STX18: variants seen among roughly 807,000 people sequenced by gnomAD.
The protein encoded by STX18 is syntaxin 18, also known as syntaxin-18.
In STX18, 40 loss-of-function variants were observed where a neutral mutation model predicts 50.1. The observed-to-expected ratio is 0.80, with a 90% CI of 0.62 to 1.04. STX18 has a LOEUF of 1.04. Ranked by LOEUF, STX18 falls within the 50% of genes least tolerant of loss-of-function variation. STX18 has a pLI of 0.00. For missense variants in STX18, 410 were observed against 415.8 expected, an observed-to-expected ratio of 0.99 and a Z score of 0.12; for synonymous variants, 158 against 151.8, an observed-to-expected ratio of 1.04 and a Z score of -0.30.
chr4:4,531,715 C>T (rs1475541598), intron 1 of STX18, among the ~76,000 whole-genome samples: 2 of 152,142 alleles, frequency 1.3e-5, no homozygotes, highest in South Asian at 4.1e-4. Context: ...AAGTAGACTG[C>T]CTCTAATTAC....
intron 1 of STX18, among the ~76,000 whole-genome samples, chr4:4,530,792 C>T (rs1199539278): frequency 1.3e-5 from 2 of 151,768 alleles, no homozygotes; most frequent in Non-Finnish European, 2.9e-5. Flanking sequence ...TTTTTTATAG[C>T]GATGAGATTT....
chr4:4,483,934 T>A (rs2108853331), intron 1 of STX18, among the ~76,000 whole-genome samples: 1 of 152,224 alleles, frequency 6.6e-6, no homozygotes, highest in Non-Finnish European at 1.5e-5. Context: ...TGATCTCAGC[T>A]CACTGCAACC....
At chr4:4,520,145 A>AC (rs1730445623) in intron 1 of STX18, among the ~76,000 whole-genome samples, 1 of 152,218 alleles carries the variant, frequency 6.6e-6, no homozygotes, top group Non-Finnish European at 1.5e-5. Context: ...ACAAACCTTA[A>AC]CAGATACATT....
At chr4:4,470,515 G>A (rs1727857734) in intron 2 of STX18, among the ~76,000 whole-genome samples, 1 of 152,142 alleles carries the variant, frequency 6.6e-6, no homozygotes, top group Non-Finnish European at 1.5e-5. Context: ...TTGACCTCAT[G>A]ACATGTACAG....
intron 1 of STX18, among the ~76,000 whole-genome samples, chr4:4,538,314 A>C (rs1731435175): frequency 6.6e-6 from 1 of 152,204 alleles, no homozygotes; most frequent in Non-Finnish European, 1.5e-5. Context: ...AAAAGAAAGT[A>C]AAAGCTGCAT....
intron 2 of STX18, chr4:4,461,755 T>G (rs1430779253): frequency 2.4e-6 from 1 of 412,624 alleles, no homozygotes; most frequent in East Asian, 7.1e-5. Flanking sequence ...CCGGGGGGAA[T>G]GCTTATTCCC....
intron 1 of STX18, among the ~76,000 whole-genome samples, chr4:4,488,306 TA>T (rs971726152): frequency 2.0e-5 from 3 of 148,910 alleles, no homozygotes; most frequent in South Asian, 2.1e-4. Flanking sequence ...TACTGACATT[TA>T]AAAAAAAAAG....
chr4:4,479,490 T>C (rs955712426), intron 1 of STX18, among the ~76,000 whole-genome samples: 2 of 152,164 alleles, frequency 1.3e-5, no homozygotes, highest in African/African-American at 4.8e-5. Context: ...TCTATAGCTA[T>C]GGGCCAGCAC....
intron 1 of STX18, among the ~76,000 whole-genome samples, chr4:4,531,680 TC>T (rs1731103325): frequency 6.6e-6 from 1 of 152,212 alleles, no homozygotes; most frequent in South Asian, 2.1e-4. Context: ...TCTTCAAGGA[TC>T]TGCTCCCAGG....
intron 7 of STX18, among the ~76,000 whole-genome samples, chr4:4,427,546 T>C (rs565410068): frequency 1.3e-5 from 2 of 152,350 alleles, no homozygotes; most frequent in South Asian, 4.1e-4. Flanking sequence ...GGCGGCATTT[T>C]CTTGAATTTT....
intron 7 of STX18, among the ~76,000 whole-genome samples, chr4:4,428,440 G>C (rs947230404): frequency 6.6e-6 from 1 of 152,164 alleles, no homozygotes; most frequent in Non-Finnish European, 1.5e-5. Context: ...GATAGTAACA[G>C]TACTTAAGTA....
intron 5 of STX18, among the ~76,000 whole-genome samples, chr4:4,452,202 G>A (rs759192626): frequency 5.3e-5 from 8 of 152,136 alleles, no homozygotes; most frequent in Non-Finnish European, 7.4e-5. Context: ...AAGAAAAGTT[G>A]GAAGGCAGCA....
At chr4:4,438,320 C>T (rs1008922853) in intron 6 of STX18, 74 bp downstream of exon 6, 59 of 1,140,328 alleles carry the variant, frequency 5.2e-5, no homozygotes, top group South Asian at 2.3e-4. Context: ...TGTGCTACTT[C>T]GTTCCTGTGC....
chr4:4,437,020 C>T (rs1480501951), intron 6 of STX18, among the ~76,000 whole-genome samples: 1 of 140,376 alleles, frequency 7.1e-6, no homozygotes, highest in Non-Finnish European at 1.5e-5. Flanking sequence ...AGTGCAATGG[C>T]ACGATCTTGG....
At chr4:4,532,061 A>G (rs1159125208) in intron 1 of STX18, among the ~76,000 whole-genome samples, 1 of 152,228 alleles carries the variant, frequency 6.6e-6, no homozygotes, top group Non-Finnish European at 1.5e-5. Context: ...AGCAATACAT[A>G]CTGATATTTA....
rs142572342 is a variant in STX18, at chr4:4,429,641, C to T, written c.703-4419G>A. Among the ~76,000 whole-genome samples, 736 of 152,318 alleles carry T rather than the reference C, an allele frequency of 4.8e-3. 4 individuals are homozygous for T. The highest frequency in any genetic ancestry group is 0.017 in the African/African-American group (690 of 41,578). ...ACTTCTGGCTGTGTGACCCTCACCTCGATCCCCTATGATCCCCATAATGTG... is the reference window on the plus strand; with the variant it reads ...ACTTCTGGCTGTGTGACCCTCACCTTGATCCCCTATGATCCCCATAATGTG... On this transcript the variant is annotated intron_variant, in intron 7 of 10. Transcript: ENST00000306200.
At chr4:4,506,638 C>T (rs1223664019) in intron 1 of STX18, among the ~76,000 whole-genome samples, 1 of 151,954 alleles carries the variant, frequency 6.6e-6, no homozygotes, top group Non-Finnish European at 1.5e-5. Flanking sequence ...AGTACAAGAC[C>T]CCCCGTGGAT....
chr4:4,438,583 C>T, intron 5 of STX18, 74 bp from the exon 6 acceptor site: 1 of 1,231,696 alleles, frequency 8.1e-7, no homozygotes, highest in Admixed American at 1.8e-5. Flanking sequence ...GAAGGAGTCA[C>T]ATGTGACCCT....
intron 5 of STX18, 139 bp downstream of exon 5, chr4:4,457,052 C>A (rs1470846662): frequency 2.7e-6 from 2 of 748,152 alleles, no homozygotes; most frequent in Non-Finnish European, 4.4e-6. Context: ...ACAGTGAGTG[C>A]CCGGTAGCGC....
Sources: gnomAD v4.1 joint callset for allele counts (sites outside exome capture counted in the v4.1 genomes callset) on GRCh38, gnomAD v4.1.1 for gene constraint, MANE v1.5 for transcripts, NCBI Gene and HGNC (gene_info 2026-07-23, HGNC 2026-07-21) for gene names.